POLG: variants seen among roughly 807,000 people sequenced by gnomAD.
POLG encodes DNA polymerase subunit gamma-1.
In POLG, 110 loss-of-function variants were observed where a neutral mutation model predicts 155.4. The ratio of observed to expected loss-of-function variants is 0.71; its 90% confidence interval spans 0.61 to 0.83. POLG has a LOEUF of 0.83. Among genes scored for constraint, POLG ranks in the 40% least tolerant of loss-of-function variants. The pLI, the probability that POLG is intolerant of heterozygous loss-of-function variation, is 0.00. For missense variants in POLG, 1,685 were observed against 1,627.5 expected (o/e 1.04, Z -0.61); for synonymous variants, 701 against 631.5 (o/e 1.11, Z -1.65).
At position 89,320,972 on chromosome 15, in the gene POLG, C is replaced by G. The variant is rs2055386832; in HGVS notation, c.2775G>C (p.Lys925Asn). 1.9e-6 allele frequency: 3 copies of G among 1,597,342 alleles called. No individual in the cohort carries two copies. The highest frequency in any genetic ancestry group is 1.4e-5 in the African/African-American group (1 of 72,540). Residue 925 changes from lysine (K) to asparagine (N), a missense_variant, in exon 18 of 23, where the codon AAG becomes AAC. Lys to Asn is a moderately conservative substitution (Grantham distance 94). Transcript: ENST00000268124. ...AFGWMTLQGRKSRGTDLHSKT... is the reference protein window; with the variant it reads ...AFGWMTLQGRNSRGTDLHSKT... The stretch of plus-strand genomic sequence containing the variant: ...TACTGTGTAGATCAGTGCCCCTGCT[C>G]TTCCTGCCCTGCAGTGTCATCCACC...
chr15:89,325,043 AGT>A lies in POLG; in HGVS notation c.1949+405_1949+406del, dbSNP rs1290526496. ...AGAAAAAACCTGAACCCAGAGAGTG[AGT>A]GAGTGAGTGAGAGAGTGAGTGAGTG... On this transcript the variant is annotated intron_variant, in intron 10 of 22. Transcript: ENST00000268124. Among the ~76,000 whole-genome samples the A allele has an allele frequency of 5.7e-4, 73 of 128,030 alleles. 6 individuals carry two copies. Among genetic ancestry groups the A allele is most frequent in the African/African-American group, 2.6e-3 (64 of 24,194 alleles). The allele number at this position is 128,030 out of a possible 152,430, so 84.0% of individuals were successfully genotyped here.
intron 6 of POLG, 105 bp from the exon 7 acceptor site, chr15:89,327,454 C>T (rs1305649732): frequency 3.9e-6 from 4 of 1,032,960 alleles, no homozygotes; most frequent in Non-Finnish European, 5.9e-6. Flanking sequence ...TGACATGGCA[C>T]AGCTCAAAAG....
Position 89,325,165 on chromosome 15 carries a change from AGTGAGAGAGTGAGAGAGT to A in POLG, c.1949+267_1949+284del, listed in dbSNP as rs2055480774. Among the ~76,000 whole-genome samples the A allele has an allele frequency of 5.5e-5, 5 of 90,286 alleles. 2 individuals carry two copies. The highest frequency in any genetic ancestry group is 2.3e-4 in the African/African-American group (5 of 21,554). 59.2% of individuals were successfully genotyped at this position (90,286 alleles called of 152,430 possible). On this transcript the variant is annotated intron_variant, in intron 10 of 22. Transcript: ENST00000268124. ...GAGAGAGTGAGTGAGTGAGTGAGTGAGTGAGAGAGTGAGAGAGTGAGTGAGTGAGAGAGTGAGTGAGAG... is the reference window on the plus strand; with the variant it reads ...GAGAGAGTGAGTGAGTGAGTGAGTGAGAGTGAGTGAGAGAGTGAGTGAGAG...
intron 21 of POLG, chr15:89,318,050 A>ACAACT (rs1372883084): frequency 1.1e-5 from 3 of 272,080 alleles, no homozygotes; most frequent in Non-Finnish European, 2.2e-5. Flanking sequence ...ACAAGAAAAT[A>ACAACT]CAACTCAATA....
chr15:89,325,137 A>G (rs2055475431), intron 10 of POLG, among the ~76,000 whole-genome samples: 3 of 73,070 alleles, frequency 4.1e-5, no homozygotes, highest in African/African-American at 1.5e-4. Flanking sequence ...TGAGAGAGTG[A>G]GTGAGAGAGT....
In POLG at chr15:89,321,459, G is replaced by C. The variant is rs112425175; in HGVS notation, c.2599-199C>G. On this transcript the variant is annotated intron_variant, in intron 16 of 22. Transcript: ENST00000268124. ...AGGTAAAGAATCTACTCTATGCCTAGCGCTATGCCAGACCCCTCACCTACA... is the reference window on the plus strand; with the variant it reads ...AGGTAAAGAATCTACTCTATGCCTACCGCTATGCCAGACCCCTCACCTACA... Among the ~76,000 whole-genome samples the C allele has an allele frequency of 0.015, 2,267 of 152,288 alleles. 60 individuals carry two copies. Among genetic ancestry groups the C allele is most frequent in the African/African-American group, 0.052 (2,176 of 41,556 alleles).
Position 89,323,460 on chromosome 15 carries a change from C to A in POLG, c.2209G>T (p.Gly737Ter). 6.2e-7 allele frequency: 1 copy of A among 1,614,088 alleles called. No individual in the cohort carries two copies. Among genetic ancestry groups the A allele is most frequent in the South Asian group, 1.1e-5 (1 of 91,084 alleles). The change falls in exon 13 of 23, where the codon GGA becomes TGA. Residue 737 changes from glycine to a stop codon, truncating the protein, a stop_gained. Coordinates refer to ENST00000268124, the MANE Select transcript of POLG (RefSeq NM_002693.3). LOFTEE classifies it high-confidence loss of function. ...GGGATGTCCACGTCGTTGTAAGGTC[C>A]ATTGCCATGGTGATAGCTGGGCTGG... Reference protein sequence around the residue: ...DTQPSYHHGNGPYNDVDIPGC... With the variant: ...DTQPSYHHGN
chr15:89,317,349 A>T, intron 22 of POLG, 27 bp downstream of exon 22: 2 of 1,610,972 alleles, frequency 1.2e-6, no homozygotes, highest in Non-Finnish European at 1.7e-6. Flanking sequence ...TCCTATGTGT[A>T]ATGAGGAACA....
intron 2 of POLG, 26 bp from the exon 3 acceptor site, chr15:89,330,302 T>A: frequency 6.3e-7 from 1 of 1,584,222 alleles, no homozygotes; most frequent in Non-Finnish European, 8.6e-7. Context: ...GGCAGGCAGG[T>A]TCACCATGGA....
At position 89,316,651 on chromosome 15, in the gene POLG, C is replaced by T. The variant is rs770839560; in HGVS notation, c.*100G>A. 7.9e-5 allele frequency: 96 copies of T among 1,210,068 alleles called. No homozygotes were observed. The highest frequency in any genetic ancestry group is 1.1e-4 in the Non-Finnish European group (91 of 815,882). 75.0% of individuals were successfully genotyped at this position (1,210,068 alleles called of 1,614,324 possible). On this transcript the variant is annotated 3_prime_UTR_variant, in exon 23 of 23. Transcript: ENST00000268124. ...CTACTGAAAAATGGCTGGCCTTAGG[C>T]AAGCCCTTTTGCAAAAAGCACAGCT... is the stretch of plus-strand genomic sequence containing the variant.
In POLG at chr15:89,325,696, A is replaced by G; in HGVS notation, c.1713-10T>C. The G allele has an allele frequency of 6.3e-7, 1 of 1,591,364 alleles. No individual in the cohort carries two copies. On this transcript the variant is annotated splice_polypyrimidine_tract_variant and intron_variant, in intron 9 of 22. Coordinates refer to ENST00000268124, the MANE Select transcript of POLG (RefSeq NM_002693.3). ...GAGCTTCCGGTACCATCTACGTCCC[A>G]GCAGGAAGACAGCAGTGTCACGATG...
chr15:89,316,456 A>ATAAAT lies in POLG; in HGVS notation c.*290_*294dup. 6.2e-7 allele frequency: 1 copy of ATAAAT among 1,609,716 alleles called. No homozygotes were observed. Among genetic ancestry groups the ATAAAT allele is most frequent in the Non-Finnish European group, 8.5e-7 (1 of 1,177,396 alleles). The stretch of plus-strand genomic sequence containing the variant: ...AACCAGCCAAGAAGAAAAGGAAAAA[A>ATAAAT]TAAATGAAATGCCTGAGTTAATGTG... On this transcript the variant is annotated 3_prime_UTR_variant, in exon 23 of 23. Coordinates refer to ENST00000268124, the MANE Select transcript of POLG (RefSeq NM_002693.3).
chr15:89,324,825 ATCAC>A (rs1229903730), intron 10 of POLG, among the ~76,000 whole-genome samples: 1 of 152,210 alleles, frequency 6.6e-6, no homozygotes, highest in Non-Finnish European at 1.5e-5. Context: ...GCCCATAATT[ATCAC>A]TCAAATTATA....
intron 14 of POLG, 26 bp from the exon 15 acceptor site, chr15:89,322,041 C>T (rs1232568370): frequency 6.2e-7 from 1 of 1,611,948 alleles, no homozygotes; most frequent in Admixed American, 1.7e-5. Flanking sequence ...ACGTGAGGCT[C>T]AGCACAGCCA....
In POLG at chr15:89,325,109, A is replaced by AGAGT. The variant is rs1234911573; in HGVS notation, c.1949+340_1949+341insACTC. On this transcript the variant is annotated intron_variant, in intron 10 of 22. Coordinates refer to ENST00000268124, the MANE Select transcript of POLG (RefSeq NM_002693.3). ...GAGAGTGAGTGAGTGAGAGAGTGAG[A>AGAGT]GAGAGTGAGTGAGTGAGTGAGAGAG... Among the ~76,000 whole-genome samples, 14 of 40,736 alleles carry AGAGT rather than the reference A, an allele frequency of 3.4e-4. 4 individuals carry two copies. The highest frequency in any genetic ancestry group is 5.6e-4 in the Non-Finnish European group (12 of 21,438). The allele number at this position is 40,736 out of a possible 152,430, so 26.7% of individuals were successfully genotyped here.
In POLG at chr15:89,329,023, C is replaced by G. The variant is rs1181184627; in HGVS notation, c.943G>C (p.Ala315Pro). The G allele has an allele frequency of 3.1e-6, 5 of 1,613,434 alleles. No individual in the cohort carries two copies. Among genetic ancestry groups the G allele is most frequent in the Non-Finnish European group, 4.2e-6 (5 of 1,180,034 alleles). The stretch of plus-strand genomic sequence containing the variant: ...TGGACCTTGTGTTTGCCCTGCTTGG[C>G]TGCTATCCACAGACTGCGCTGGAAG... ...SSFQRSLWIAAKQGKHKVQPP... is the reference protein window; with the variant it reads ...SSFQRSLWIAPKQGKHKVQPP... The change falls in exon 4 of 23, where the codon GCC (alanine) becomes CCC (proline). Residue 315 changes from alanine (A) to proline (P), a missense_variant. Physicochemically the swap from Ala to Pro is conservative, Grantham distance 27. Transcript: ENST00000268124.
At chr15:89,328,373 G>C in intron 6 of POLG, 83 bp downstream of exon 6, 2 of 1,085,962 alleles carry the variant, frequency 1.8e-6, no homozygotes, top group East Asian at 2.5e-5. Context: ...ACCTGAGATA[G>C]AACCAGCGCC....
chr15:89,319,556 C>A, intron 18 of POLG: 1 of 693,298 alleles, frequency 1.4e-6, no homozygotes, highest in Non-Finnish European at 2.4e-6. Flanking sequence ...AGATGCAGCC[C>A]AGGCTTTTGT....
chr15:89,321,811 C>T lies in POLG; in HGVS notation c.2523G>A (p.Leu841=). 1 of 1,614,150 alleles carries T rather than the reference C, an allele frequency of 6.2e-7. No individual in the cohort carries two copies. Among genetic ancestry groups the T allele is most frequent in the Non-Finnish European group, 8.5e-7 (1 of 1,180,008 alleles). The change falls in exon 16 of 23, where the codon CTG becomes CTA. Residue 841 remains leucine, a synonymous_variant. Coordinates refer to ENST00000268124, the MANE Select transcript of POLG (RefSeq NM_002693.3). ...TGGTGCCGGCAGTCACCACTTGGGG[C>T]AGGATGGCCCCATAGAGGCCTTCCT... ...YDEEGLYGAI[L]PQVVTAGTIT...
Sources: allele counts gnomAD v4.1 joint callset (sites outside exome capture counted in the v4.1 genomes callset), GRCh38; gene constraint gnomAD v4.1.1; transcripts MANE v1.5; gene names NCBI Gene and HGNC (gene_info 2026-07-23, HGNC 2026-07-21).